Variants in PCDH15 observed in about 807,000 individuals in gnomAD.
PCDH15 encodes the protein protocadherin related 15.
PCDH15 carries 129 observed loss-of-function variants against 178.5 expected under a neutral mutation model. The observed-to-expected ratio is 0.72, with a 90% CI of 0.63 to 0.84. PCDH15 has a LOEUF of 0.84. Ranked by LOEUF, PCDH15 falls within the 40% of genes least tolerant of loss-of-function variation. The pLI is 0.00. For missense variants in PCDH15, 2,230 were observed against 2,099.9 expected (o/e 1.06, Z -1.21); for synonymous variants, 800 against 732.0 (o/e 1.09, Z -1.50).
At chr10:54,257,049 T>TTAGA (rs10569518) in intron 8 of PCDH15, among the ~76,000 whole-genome samples, 47,006 of 149,346 alleles carry the variant, frequency 0.31, 7,527 homozygotes, top group East Asian at 0.41. Flanking sequence ...TCTCGATAGA[T>TTAGA]TAGATAGATA....
At chr10:54,568,637 A>C (rs1304123232) in intron 2 of PCDH15, 1 of 152,058 alleles carries the variant, frequency 6.6e-6, no homozygotes, top group Non-Finnish European at 1.5e-5. Context: ...TCTCTTCCCC[A>C]ACCACTATCT....
chr10:54,747,806 ATT>A (rs10628733), intron 1 of PCDH15, among the ~76,000 whole-genome samples: 14 of 135,530 alleles, frequency 1.0e-4, no homozygotes, highest in African/African-American at 1.1e-4. Flanking sequence ...CAATGGTTAC[ATT>A]TTTTTTTTTT....
At chr10:54,059,639 T>G (rs555416194) in intron 18 of PCDH15, among the ~76,000 whole-genome samples, 1 of 152,178 alleles carries the variant, frequency 6.6e-6, no homozygotes, top group Non-Finnish European at 1.5e-5. Context: ...TGGTATAGAG[T>G]ATAGCAGTCT....
In PCDH15 at chr10:54,317,331, T is replaced by C. The variant is rs1351980562; in HGVS notation, c.816A>G (p.Pro272=). 6.2e-6 allele frequency: 10 copies of C among 1,613,882 alleles called. No individual in the cohort carries two copies. Among genetic ancestry groups the C allele is most frequent in the Admixed American group, 3.3e-5 (2 of 59,962 alleles). The stretch of plus-strand genomic sequence containing the variant: ...TGAGTGGACGGCAATCACGAGTGTT[T>C]GGCACAAGGACACAAGGAAGAAACA... ...GPMFLPCVLV[P]NTRDCRPLTY... Residue 272 remains proline (P), a synonymous_variant, in exon 8 of 38, where the codon CCA becomes CCG. Coordinates refer to ENST00000644397, the MANE Select transcript of PCDH15 (RefSeq NM_001384140.1).
rs995053736 is a variant in PCDH15, at chr10:54,219,274, CAAAAAA to C, written c.986-5232_986-5227del. The stretch of plus-strand genomic sequence containing the variant: ...TGGGTGACAGAGCGAGACTTTGTCT[CAAAAAA>C]AAAAAAAAAAAAAAGGAGACTTAGG... On this transcript the variant is annotated intron_variant, in intron 9 of 37. Coordinates refer to ENST00000644397, the MANE Select transcript of PCDH15 (RefSeq NM_001384140.1). 1.5e-4 allele frequency among the ~76,000 whole-genome samples: 7 copies of C among 45,186 alleles called. No individual in the cohort carries two copies. The Admixed American group carries it at 1.9e-3, about 12-fold the overall frequency. 29.6% of individuals were successfully genotyped at this position (45,186 alleles called of 152,430 possible).
rs970401470 is a variant in PCDH15 at position 55,295,687 on chromosome 10, T to C, written c.-156+23912A>G. Reference sequence around the variant, plus strand: ...TATCTCCATAGAATATTATTTGAGGTAAAAAGAAAACTTTATTTTTCTTTT... The same window carrying C: ...TATCTCCATAGAATATTATTTGAGGCAAAAAGAAAACTTTATTTTTCTTTT... On this transcript the variant is annotated intron_variant, in intron 1 of 5. Transcript: ENST00000458638. Among the ~76,000 whole-genome samples the C allele has an allele frequency of 5.9e-5, 9 of 152,258 alleles. No individual in the cohort carries two copies. The South Asian group carries it at 1.7e-3, about 28-fold the overall frequency.
At chr10:54,800,514 CA>C (rs1409838049) in intron 1 of PCDH15, among the ~76,000 whole-genome samples, 1 of 152,146 alleles carries the variant, frequency 6.6e-6, no homozygotes, top group Non-Finnish European at 1.5e-5. Context: ...ACTCATAAAA[CA>C]AATCATCAAT....
intron 3 of PCDH15, among the ~76,000 whole-genome samples, chr10:54,889,240 A>T (rs1954417284): frequency 6.6e-6 from 1 of 151,852 alleles, no homozygotes; most frequent in Admixed American, 6.6e-5. Context: ...TCTCTTAATC[A>T]TGTATAACTT....
chr10:54,092,429 T>A (rs2094614060), intron 15 of PCDH15, among the ~76,000 whole-genome samples: 2 of 152,120 alleles, frequency 1.3e-5, no homozygotes, highest in South Asian at 2.1e-4. Flanking sequence ...AGTCTATTGC[T>A]TTCTCCCCCA....
chr10:55,265,508 T>C (rs1842265541), intron 1 of PCDH15, among the ~76,000 whole-genome samples: 1 of 152,028 alleles, frequency 6.6e-6, no homozygotes, highest in Non-Finnish European at 1.5e-5. Context: ...GGATGCACTT[T>C]GCATCACATA....
chr10:54,113,639 G>GACACAC (rs57193886), intron 15 of PCDH15, among the ~76,000 whole-genome samples: 4 of 149,842 alleles, frequency 2.7e-5, no homozygotes, highest in East Asian at 3.9e-4. Flanking sequence ...TCCCAACACA[G>GACACAC]ACACACACAC....
Position 54,218,325 on chromosome 10 carries a change from A to T in PCDH15, c.986-4277T>A, listed in dbSNP as rs114398897. On this transcript the variant is annotated intron_variant, in intron 9 of 37. Transcript: ENST00000644397. ...AAGCCACATACATACCACTCAATAG[A>T]AGAATTAATTCAACATCATCTGCTA... 3.0e-3 allele frequency among the ~76,000 whole-genome samples: 455 copies of T among 152,308 alleles called. 3 individuals carry two copies. Among genetic ancestry groups the T allele is most frequent in the African/African-American group, 0.011 (445 of 41,570 alleles).
intron 2 of PCDH15, among the ~76,000 whole-genome samples, chr10:55,360,759 C>T (rs1291818900): frequency 6.6e-6 from 1 of 151,938 alleles, no homozygotes; most frequent in African/African-American, 2.4e-5. Flanking sequence ...TTGGTACAAT[C>T]ACTCTGGGTA....
At chr10:54,127,536 C>T (rs1467972789) in intron 15 of PCDH15, among the ~76,000 whole-genome samples, 2 of 152,260 alleles carry the variant, frequency 1.3e-5, no homozygotes, top group African/African-American at 2.4e-5. Context: ...TATACCTTTG[C>T]TCAACATATA....
chr10:54,935,562 C>T (rs1356633206), intron 2 of PCDH15, among the ~76,000 whole-genome samples: 2 of 152,078 alleles, frequency 1.3e-5, no homozygotes, highest in Non-Finnish European at 2.9e-5. Context: ...CTTCATTTTT[C>T]TTTCCTTGCT....
Position 55,419,396 on chromosome 10 carries a change from C to T in PCDH15, c.-156+208229G>A, listed in dbSNP as rs76245425. On this transcript the variant is annotated intron_variant, in intron 2 of 5. Transcript: ENST00000613346. ...CCACACAATAAGGTATCCCATGAAA[C>T]CATCTATTAAACAGCAATACTAGGT... Among the ~76,000 whole-genome samples, 831 of 151,802 alleles carry T rather than the reference C, an allele frequency of 5.5e-3. 13 individuals carry two copies. Among genetic ancestry groups the T allele is most frequent in the African/African-American group, 0.019 (778 of 41,494 alleles).
At chr10:54,146,626 TTCCTTCTC>T (rs1176990940) in intron 14 of PCDH15, among the ~76,000 whole-genome samples, 1 of 151,706 alleles carries the variant, frequency 6.6e-6, no homozygotes. Context: ...CTATGTACTA[TTCCTTCTC>T]TCACTCTCTG....
chr10:55,323,522 G>C (rs10430547), upstream of PCDH15, among the ~76,000 whole-genome samples: 2 of 152,200 alleles, frequency 1.3e-5, no homozygotes, highest in Non-Finnish European at 2.9e-5. Context: ...TCTTGCATCA[G>C]TGTGACCTGG....
At chr10:54,079,182 G>A in intron 17 of PCDH15, 149 bp downstream of exon 17, 1 of 803,192 alleles carries the variant, frequency 1.2e-6, no homozygotes, top group Non-Finnish European at 2.1e-6. Context: ...TGTATTAATA[G>A]CCTGTTGAAG....
Sources: gnomAD v4.1 joint callset for allele counts (sites outside exome capture counted in the v4.1 genomes callset) on GRCh38, gnomAD v4.1.1 for gene constraint, MANE v1.5 for transcripts, NCBI Gene and HGNC (gene_info 2026-07-23, HGNC 2026-07-21) for gene names.